The following CEP63 variants were observed in gnomAD, a reference collection of about 807,000 sequenced individuals.
The protein encoded by CEP63 is centrosomal protein 63, also known as centrosomal protein of 63 kDa.
In CEP63, 84 loss-of-function variants were observed where a neutral mutation model predicts 89.1. That is an observed-to-expected ratio of 0.94 (90% CI 0.79 to 1.13). The LOEUF is 1.13. CEP63 is among the 50% of genes most tolerant of loss of function. The pLI is 0.00. For missense variants in CEP63, 838 were observed against 813.3 expected, an observed-to-expected ratio of 1.03 and a Z score of -0.37; for synonymous variants, 267 against 272.5, an observed-to-expected ratio of 0.98 and a Z score of 0.20.
the CEP63 span, among the ~76,000 whole-genome samples, chr3:134,704,339 C>A: frequency 1.3e-5 from 2 of 152,134 alleles, no homozygotes; most frequent in Non-Finnish European, 2.9e-5. Flanking sequence ...AGAATTGGGC[C>A]TCATTCATGT....
At chr3:134,541,920 A>G (rs930135899) in intron 6 of CEP63, among the ~76,000 whole-genome samples, 28 of 152,178 alleles carry the variant, frequency 1.8e-4, no homozygotes, top group African/African-American at 6.5e-4. Flanking sequence ...AGATGTAACA[A>G]AAGAGTCGTG....
chr3:134,617,532 A>G, the CEP63 span, among the ~76,000 whole-genome samples: 1 of 152,232 alleles, frequency 6.6e-6, no homozygotes, highest in African/African-American at 2.4e-5. Context: ...TGCACAGAAC[A>G]CAGTCTGGAA....
At chr3:134,637,236 G>A in the CEP63 span, among the ~76,000 whole-genome samples, 23 of 152,332 alleles carry the variant, frequency 1.5e-4, no homozygotes, top group African/African-American at 5.5e-4. Flanking sequence ...GCATAATTCA[G>A]TTCTGGTCGT....
chr3:134,510,603 AG>A (rs1237465395), intron 3 of CEP63: 3 of 653,380 alleles, frequency 4.6e-6, no homozygotes, highest in Middle Eastern at 2.8e-4. Flanking sequence ...TTCAAGGTGC[AG>A]GGGTGGGAAA....
intron 10 of CEP63, 106 bp from the exon 11 acceptor site, chr3:134,549,957 A>T: frequency 1.2e-6 from 1 of 835,646 alleles, no homozygotes; most frequent in Non-Finnish European, 1.9e-6. Flanking sequence ...AGAGAAATTT[A>T]ATGTCTTGAG....
Position 134,559,323 on chromosome 3 carries a change from C to T in CEP63, c.1847C>T (p.Ser616Phe). Residue 616 changes from serine (S) to phenylalanine (F), a missense_variant, in exon 14 of 15, where the codon TCT (serine) becomes TTT (phenylalanine). By Grantham distance (155) the Ser-to-Phe change is radical (BLOSUM62 -2). Transcript: ENST00000675561. ...CSSTRSLTSY[S>F]LCKTHSLPSA... ...TCCACCAGGTCTTTGACTTCCTACT[C>T]TCTATGTAAAACTCATTCTTTGCCT... The T allele has an allele frequency of 5.6e-6, 9 of 1,614,142 alleles. No individual in the cohort carries two copies. The highest frequency in any genetic ancestry group is 7.6e-6 in the Non-Finnish European group (9 of 1,180,020).
chr3:134,695,348 A>G, the CEP63 span, among the ~76,000 whole-genome samples: 1 of 152,258 alleles, frequency 6.6e-6, no homozygotes, highest in Admixed American at 6.5e-5. Context: ...TCTGATTGGA[A>G]AGACTTGAGC....
Position 134,537,164 on chromosome 3 carries a change from C to A in CEP63, c.451C>A (p.Gln151Lys). 6.2e-7 allele frequency: 1 copy of A among 1,611,794 alleles called. No homozygotes were observed. The highest frequency in any genetic ancestry group is 1.1e-5 in the South Asian group (1 of 91,024). Residue 151 changes from glutamine to lysine, a missense_variant, in exon 6 of 15, where the codon CAG (glutamine) becomes AAG (lysine). Gln to Lys is a moderately conservative substitution (Grantham distance 53). Coordinates refer to ENST00000675561, the MANE Select transcript of CEP63 (RefSeq NM_001353108.3). ...RLTAKIEEFR[Q>K]KSLDWEKQRL... Reference sequence around the variant, plus strand: ...CTAATTGCCTCCTCAGGAATTCCGTCAGAAATCGCTGGACTGGGAGAAGCA... The same window carrying A: ...CTAATTGCCTCCTCAGGAATTCCGTAAGAAATCGCTGGACTGGGAGAAGCA...
chr3:134,728,814 T>A, the CEP63 span, among the ~76,000 whole-genome samples: 3 of 152,112 alleles, frequency 2.0e-5, no homozygotes, highest in African/African-American at 4.8e-5. Flanking sequence ...TATCTTGGAG[T>A]GCTGAAATAA....
chr3:134,607,283 G>A, the CEP63 span: 1 of 985,536 alleles, frequency 1.0e-6, no homozygotes, highest in Non-Finnish European at 1.2e-6. Context: ...GTTTGCAAGA[G>A]CTCAGCAACT....
At chr3:134,632,059 G>A in the CEP63 span, among the ~76,000 whole-genome samples, 1 of 152,014 alleles carries the variant, frequency 6.6e-6, no homozygotes, top group African/African-American at 2.4e-5. Context: ...ATATTAGCAA[G>A]AAGACATAAC....
the CEP63 span, among the ~76,000 whole-genome samples, chr3:134,650,089 A>G: frequency 6.6e-6 from 1 of 152,112 alleles, no homozygotes; most frequent in Non-Finnish European, 1.5e-5. Flanking sequence ...CTCCATTCAC[A>G]TTGTGTTCTG....
chr3:134,528,350 T>A (rs1288360008), intron 3 of CEP63, among the ~76,000 whole-genome samples: 1 of 152,126 alleles, frequency 6.6e-6, no homozygotes, highest in Non-Finnish European at 1.5e-5. Flanking sequence ...CCCCCTGGTT[T>A]TTTTCTCCCC....
the CEP63 span, among the ~76,000 whole-genome samples, chr3:134,777,443 A>AC: frequency 1.3e-5 from 2 of 151,774 alleles, no homozygotes; most frequent in East Asian, 3.9e-4. Flanking sequence ...ATATATACTC[A>AC]CCTCATTTTT....
At chr3:134,636,020 A>C in the CEP63 span, among the ~76,000 whole-genome samples, 2 of 152,208 alleles carry the variant, frequency 1.3e-5, no homozygotes, top group Non-Finnish European at 2.9e-5. Context: ...CCATATAAGC[A>C]ATCCCTTTTT....
intron 1 of CEP63, among the ~76,000 whole-genome samples, chr3:134,491,466 A>C (rs1456230161): frequency 6.6e-6 from 1 of 152,214 alleles, no homozygotes; most frequent in Non-Finnish European, 1.5e-5. Flanking sequence ...CGTTTGTGGT[A>C]AAACTTTCAG....
chr3:134,595,854 A>G, the CEP63 span, among the ~76,000 whole-genome samples: 7 of 152,168 alleles, frequency 4.6e-5, no homozygotes, highest in Admixed American at 3.9e-4. Context: ...CAAAGAAACC[A>G]TGAGTTTGAG....
In CEP63 at chr3:134,582,128, G is replaced by A. The variant is rs961020917; in HGVS notation, c.1207-5330G>A. 1.4e-4 allele frequency among the ~76,000 whole-genome samples: 21 copies of A among 151,696 alleles called. 1 individual carries two copies. The South Asian group carries it at 4.4e-3, about 32-fold the overall frequency. ...ATGCCACTAATAATATAGCCTCAGG[G>A]AAAAAAACTGGCAGAAATAGAAGGA... On this transcript the variant is annotated intron_variant, in intron 10 of 10. Transcript: ENST00000683931.
the CEP63 span, among the ~76,000 whole-genome samples, chr3:134,622,106 T>C: frequency 6.6e-6 from 1 of 152,238 alleles, no homozygotes; most frequent in African/African-American, 2.4e-5. Flanking sequence ...TCTTGTACGA[T>C]GCTAGTGGGA....
Sources: gnomAD v4.1 joint callset for allele counts (sites outside exome capture counted in the v4.1 genomes callset) on GRCh38, gnomAD v4.1.1 for gene constraint, MANE v1.5 for transcripts, NCBI Gene and HGNC (gene_info 2026-07-23, HGNC 2026-07-21) for gene names.